The following SLC35F1 variants were observed in gnomAD, a reference collection of about 807,000 sequenced individuals.
SLC35F1 encodes solute carrier family 35 member F1.
In SLC35F1, 14 loss-of-function variants were observed where a neutral mutation model predicts 48.7. The observed-to-expected ratio is 0.29, with a 90% CI of 0.19 to 0.45. The LOEUF (loss-of-function observed/expected upper bound fraction) is 0.45. Among genes scored for constraint, SLC35F1 ranks in the 20% least tolerant of loss-of-function variants. The probability of loss-of-function intolerance (pLI) is 1.00; values close to 1 mark genes in which losing one functional copy is unlikely to be tolerated. For synonymous variants in SLC35F1, 190 were observed against 202.2 expected, an observed-to-expected ratio of 0.94 and a Z score of 0.51; for missense variants, 404 against 500.0, an observed-to-expected ratio of 0.81 and a Z score of 1.83.
At chr6:118,302,224 A>G (rs1427245558) in intron 7 of SLC35F1, among the ~76,000 whole-genome samples, 4 of 152,174 alleles carry the variant, frequency 2.6e-5, no homozygotes, top group African/African-American at 9.7e-5. Context: ...AATGCAAACC[A>G]GTAGCCCTGA....
At chr6:118,281,097 A>G (rs1320931866) in intron 6 of SLC35F1, among the ~76,000 whole-genome samples, 2 of 151,642 alleles carry the variant, frequency 1.3e-5, no homozygotes, top group African/African-American at 4.8e-5. Context: ...GAGAAAGAAC[A>G]CAACTGAAAT....
chr6:118,279,769 T>C (rs1291115638), intron 6 of SLC35F1, among the ~76,000 whole-genome samples: 1 of 152,182 alleles, frequency 6.6e-6, no homozygotes, highest in Non-Finnish European at 1.5e-5. Flanking sequence ...TATGTCCTGA[T>C]GGAAAGCTCA....
At chr6:117,939,359 C>A (rs1426863817) in intron 1 of SLC35F1, among the ~76,000 whole-genome samples, 1 of 152,196 alleles carries the variant, frequency 6.6e-6, no homozygotes, top group Non-Finnish European at 1.5e-5. Flanking sequence ...ATTTCCCAGA[C>A]AGATCTGAGT....
chr6:118,216,616 C>G (rs1039475235), intron 2 of SLC35F1, among the ~76,000 whole-genome samples: 1 of 19,138 alleles, frequency 5.2e-5, no homozygotes, highest in Non-Finnish European at 1.3e-4. Context: ...AAAAGAAACC[C>G]TACATTATAA....
intron 7 of SLC35F1, among the ~76,000 whole-genome samples, chr6:118,303,925 A>G (rs1301250883): frequency 6.6e-6 from 1 of 152,192 alleles, no homozygotes; most frequent in Non-Finnish European, 1.5e-5. Context: ...GAGAGACACA[A>G]TGTAGTCCAT....
intron 1 of SLC35F1, among the ~76,000 whole-genome samples, chr6:118,099,637 T>A (rs1383482861): frequency 6.6e-6 from 1 of 152,124 alleles, no homozygotes; most frequent in Admixed American, 6.5e-5. Flanking sequence ...ACAAGGGGGC[T>A]GAAGGGAGTA....
intron 1 of SLC35F1, among the ~76,000 whole-genome samples, chr6:118,006,238 G>A (rs1249451700): frequency 6.6e-6 from 1 of 152,018 alleles, no homozygotes; most frequent in African/African-American, 2.4e-5. Context: ...TAATTGAGTG[G>A]CATAATCATC....
chr6:118,261,787 G>A (rs745853953), intron 3 of SLC35F1, among the ~76,000 whole-genome samples: 6 of 152,122 alleles, frequency 3.9e-5, no homozygotes, highest in African/African-American at 7.2e-5. Context: ...CAGAAGCACC[G>A]ATGACCCAGA....
In SLC35F1 at chr6:118,047,177, G is replaced by A. The variant is rs183249818; in HGVS notation, c.174-107268G>A. On this transcript the variant is annotated intron_variant, in intron 1 of 7. Coordinates refer to ENST00000360388, the MANE Select transcript of SLC35F1 (RefSeq NM_001029858.4). Reference sequence around the variant, plus strand: ...ACTGAAACTTTCTGCTGTTTCCTACGCCATCAATTCCAACTGATTGGTAGT... The same window carrying A: ...ACTGAAACTTTCTGCTGTTTCCTACACCATCAATTCCAACTGATTGGTAGT... Among the ~76,000 whole-genome samples the A allele has an allele frequency of 2.8e-3, 427 of 152,214 alleles. 1 individual carries two copies. The highest frequency in any genetic ancestry group is 7.1e-3 in the Admixed American group (109 of 15,272).
At chr6:118,227,902 CTT>C (rs2114572666) in intron 2 of SLC35F1, among the ~76,000 whole-genome samples, 1 of 152,260 alleles carries the variant, frequency 6.6e-6, no homozygotes, top group East Asian at 1.9e-4. Context: ...AGTTTCTTCT[CTT>C]GTCTTTCTTT....
intron 5 of SLC35F1, among the ~76,000 whole-genome samples, chr6:118,275,884 C>T (rs1775912767): frequency 6.6e-6 from 1 of 152,222 alleles, no homozygotes; most frequent in Admixed American, 6.5e-5. Context: ...AGGATTGATT[C>T]TCTGAAATCC....
intron 2 of SLC35F1, among the ~76,000 whole-genome samples, chr6:118,213,252 C>T (rs754110091): frequency 2.0e-5 from 3 of 152,176 alleles, no homozygotes; most frequent in Non-Finnish European, 2.9e-5. Flanking sequence ...CCTGTACTAG[C>T]AGTCATTTAA....
intron 3 of SLC35F1, among the ~76,000 whole-genome samples, chr6:118,252,922 G>C (rs1263380050): frequency 6.6e-6 from 1 of 152,164 alleles, no homozygotes; most frequent in Non-Finnish European, 1.5e-5. Context: ...CATTCAGGGA[G>C]GGAAGAATCA....
intron 2 of SLC35F1, among the ~76,000 whole-genome samples, chr6:118,195,505 G>T (rs1378740103): frequency 6.7e-6 from 1 of 149,072 alleles, no homozygotes; most frequent in African/African-American, 2.6e-5. Context: ...CTTAGCCAAT[G>T]ATTTTTTTTT....
At chr6:118,229,894 G>C (rs1252715450) in intron 2 of SLC35F1, among the ~76,000 whole-genome samples, 1 of 152,072 alleles carries the variant, frequency 6.6e-6, no homozygotes, top group East Asian at 1.9e-4. Context: ...ATTTTTTCCT[G>C]TCTATTCTCA....
At chr6:118,257,646 T>C (rs1323301456) in intron 3 of SLC35F1, among the ~76,000 whole-genome samples, 1 of 152,166 alleles carries the variant, frequency 6.6e-6, no homozygotes, top group African/African-American at 2.4e-5. Flanking sequence ...GAAAACTAGG[T>C]GATTGGGACC....
chr6:118,257,998 A>G (rs529947386), intron 3 of SLC35F1, among the ~76,000 whole-genome samples: 1 of 152,168 alleles, frequency 6.6e-6, no homozygotes, highest in African/African-American at 2.4e-5. Flanking sequence ...ACTTTATTAC[A>G]CTCTGATTAT....
chr6:118,267,247 T>G (rs1775785479), intron 4 of SLC35F1, 93 bp downstream of exon 4: 3 of 1,441,792 alleles, frequency 2.1e-6, no homozygotes. Context: ...AACAAGGACC[T>G]TAGGAACCTG....
intron 1 of SLC35F1, among the ~76,000 whole-genome samples, chr6:118,064,786 C>A (rs142271244): frequency 6.6e-6 from 1 of 152,126 alleles, no homozygotes; most frequent in Non-Finnish European, 1.5e-5. Context: ...TAATGGTTAT[C>A]TGTGGTCATG....
Sources: gnomAD v4.1 joint callset for allele counts (sites outside exome capture counted in the v4.1 genomes callset) on GRCh38, gnomAD v4.1.1 for gene constraint, MANE v1.5 for transcripts, NCBI Gene and HGNC (gene_info 2026-07-23, HGNC 2026-07-21) for gene names.